Variants in SLIT3 observed in about 807,000 individuals in gnomAD.
The protein encoded by SLIT3 is slit guidance ligand 3, also known as slit homolog 3 protein.
SLIT3 carries 68 observed loss-of-function variants against 184.0 expected under a neutral mutation model. That is an observed-to-expected ratio of 0.37 (90% CI 0.30 to 0.45). The LOEUF (loss-of-function observed/expected upper bound fraction) is 0.45, where lower values mean the gene tolerates loss of function less well. Ranked by LOEUF, SLIT3 falls within the 20% of genes least tolerant of loss-of-function variation. The probability of loss-of-function intolerance (pLI) is 1.00; values close to 1 mark genes in which losing one functional copy is unlikely to be tolerated. For missense variants in SLIT3, 1,707 were observed against 2,026.0 expected, an observed-to-expected ratio of 0.84 and a Z score of 3.02; for synonymous variants, 831 against 828.6, an observed-to-expected ratio of 1.00 and a Z score of -0.05.
At chr5:169,214,710 G>A (rs566410001) in intron 3 of SLIT3, among the ~76,000 whole-genome samples, 1 of 152,280 alleles carries the variant, frequency 6.6e-6, no homozygotes, top group South Asian at 2.1e-4. Flanking sequence ...TGAATCCAAC[G>A]TGACATCTCC....
chr5:168,756,469 G>A (rs533577428), intron 16 of SLIT3, among the ~76,000 whole-genome samples: 9 of 152,276 alleles, frequency 5.9e-5, no homozygotes, highest in Middle Eastern at 3.4e-3. Flanking sequence ...GCATGACCTC[G>A]TTCTCCTTCT....
intron 14 of SLIT3, among the ~76,000 whole-genome samples, chr5:168,770,796 T>C (rs1875976): frequency 0.38 from 57,241 of 151,804 alleles, 11,347 homozygotes; most frequent in East Asian, 0.67. Context: ...GGTAGGACGA[T>C]AGTGGCAGAG....
chr5:168,986,272 T>C (rs62378605), intron 4 of SLIT3, among the ~76,000 whole-genome samples: 3,563 of 152,242 alleles, frequency 0.023, 58 homozygotes, highest in Non-Finnish European at 0.035. Flanking sequence ...GATGATGAAA[T>C]GGAGGCCAAA....
At chr5:169,061,233 ATGGTGTCAC>A (rs1374870540) in intron 4 of SLIT3, among the ~76,000 whole-genome samples, 1 of 152,120 alleles carries the variant, frequency 6.6e-6, no homozygotes, top group Non-Finnish European at 1.5e-5. Context: ...ACCCTTTACT[ATGGTGTCAC>A]TGGGCTCTCT....
In SLIT3 at chr5:169,190,644, A is replaced by G. The variant is rs112859026; in HGVS notation, c.413+2835T>C. 7.9e-3 allele frequency among the ~76,000 whole-genome samples: 1,202 copies of G among 152,320 alleles called. 22 individuals are homozygous for G. Among genetic ancestry groups the G allele is most frequent in the African/African-American group, 0.028 (1,146 of 41,560 alleles). ...CACGAAATATTAAGTAGTTTTGCCT[A>G]TAAGACTAATAAAAAAAGTAGTATC... On this transcript the variant is annotated intron_variant, in intron 4 of 35. Coordinates refer to ENST00000519560, the MANE Select transcript of SLIT3 (RefSeq NM_003062.4).
At chr5:168,879,979 T>A (rs986959374) in intron 5 of SLIT3, among the ~76,000 whole-genome samples, 1 of 152,248 alleles carries the variant, frequency 6.6e-6, no homozygotes, top group African/African-American at 2.4e-5. Context: ...GAATTTGCCA[T>A]CATTCTCTGT....
In SLIT3 at chr5:169,007,115, T is replaced by C. The variant is rs1755964542; in HGVS notation, c.414-123779A>G. ...AGTGAGTTCTCACAAAAGCTGATGG[T>C]TTTATAGGGCAGTTTCCCCTGCTCT... On this transcript the variant is annotated intron_variant, in intron 4 of 35. Transcript: ENST00000519560. Among the ~76,000 whole-genome samples the C allele has an allele frequency of 2.0e-5, 3 of 152,250 alleles. No homozygotes were observed. The South Asian group carries it at 6.2e-4, about 32-fold the overall frequency.
rs1759550494 is a variant in SLIT3, at chr5:169,090,715, G to A, written c.413+102764C>T. 2.0e-5 allele frequency among the ~76,000 whole-genome samples: 3 copies of A among 152,226 alleles called. No individual in the cohort carries two copies. In the South Asian group the frequency reaches 6.2e-4, roughly 31 times the overall value. Reference sequence around the variant, plus strand: ...TCATAGACAGACACACAGAAGAAAAGGCAATGTGAAGACAAGACAGAGGCC... The same window carrying A: ...TCATAGACAGACACACAGAAGAAAAAGCAATGTGAAGACAAGACAGAGGCC... On this transcript the variant is annotated intron_variant, in intron 4 of 35. Transcript: ENST00000519560.
At chr5:169,146,332 A>C (rs1433013317) in intron 4 of SLIT3, among the ~76,000 whole-genome samples, 1 of 152,246 alleles carries the variant, frequency 6.6e-6, no homozygotes, top group African/African-American at 2.4e-5. Flanking sequence ...AAAATAATAC[A>C]TGACGCAGTG....
At chr5:169,134,679 A>G (rs781003332) in intron 4 of SLIT3, among the ~76,000 whole-genome samples, 2 of 152,168 alleles carry the variant, frequency 1.3e-5, no homozygotes, top group African/African-American at 2.4e-5. Flanking sequence ...CAGCAAACCA[A>G]CATGGCACAT....
In SLIT3 at chr5:168,844,727, G is replaced by A. The variant is rs550049712; in HGVS notation, c.486-72C>T. The A allele has an allele frequency of 2.4e-5, 35 of 1,432,732 alleles. 1 individual carries two copies. The highest frequency in any genetic ancestry group is 1.8e-4 in the Middle Eastern group (1 of 5,428). 88.8% of individuals were successfully genotyped at this position (1,432,732 alleles called of 1,614,324 possible). On this transcript the variant is annotated intron_variant, in intron 5 of 35. Coordinates refer to ENST00000519560, the MANE Select transcript of SLIT3 (RefSeq NM_003062.4). ...GAGGGGCCGGCGGCCCAGGCCACCC[G>A]AGCGCCTGTCCCTCCACCCCCTTGC...
At chr5:168,753,807 C>A in intron 17 of SLIT3, 57 bp downstream of exon 17, 7 of 1,577,400 alleles carry the variant, frequency 4.4e-6, no homozygotes, top group Admixed American at 1.7e-5. Flanking sequence ...GTCTCTAATT[C>A]CCCTGCCCTC....
chr5:168,953,483 G>A (rs1470598561), intron 4 of SLIT3, among the ~76,000 whole-genome samples: 1 of 152,164 alleles, frequency 6.6e-6, no homozygotes, highest in Non-Finnish European at 1.5e-5. Flanking sequence ...TACATTCTTG[G>A]CCCATGTCTT....
chr5:168,870,490 T>C (rs947170582), intron 5 of SLIT3, among the ~76,000 whole-genome samples: 10 of 152,184 alleles, frequency 6.6e-5, no homozygotes, highest in African/African-American at 9.7e-5. Flanking sequence ...AACCTTGGAG[T>C]TGAGCTTCCA....
At chr5:169,068,151 G>T (rs1312672699) in intron 4 of SLIT3, among the ~76,000 whole-genome samples, 1 of 152,034 alleles carries the variant, frequency 6.6e-6, no homozygotes, top group South Asian at 2.1e-4. Flanking sequence ...TCCCCTCTCA[G>T]TTGTAAAAGT....
intron 4 of SLIT3, among the ~76,000 whole-genome samples, chr5:168,996,245 G>A (rs952948481): frequency 6.6e-6 from 1 of 152,120 alleles, no homozygotes; most frequent in African/African-American, 2.4e-5. Flanking sequence ...CACAGCCCTC[G>A]CAAAGCCTGA....
intron 15 of SLIT3, among the ~76,000 whole-genome samples, chr5:168,762,216 T>C (rs1755180623): frequency 6.6e-6 from 1 of 152,152 alleles, no homozygotes; most frequent in Non-Finnish European, 1.5e-5. Context: ...AACTTTCTGG[T>C]TTTACTGTAA....
At chr5:168,683,944 C>T in intron 32 of SLIT3, 22 bp downstream of exon 32, 1 of 1,491,174 alleles carries the variant, frequency 6.7e-7, no homozygotes, top group Non-Finnish European at 9.0e-7. Flanking sequence ...CACAGTGGGT[C>T]AGGAGGGAGA....
intron 4 of SLIT3, among the ~76,000 whole-genome samples, chr5:169,165,734 T>C (rs934367838): frequency 6.6e-6 from 1 of 151,932 alleles, no homozygotes; most frequent in African/African-American, 2.4e-5. Flanking sequence ...CCAAAGACAA[T>C]TGCTTTGTGT....
Sources: gnomAD v4.1 joint callset for allele counts (sites outside exome capture counted in the v4.1 genomes callset) on GRCh38, gnomAD v4.1.1 for gene constraint, MANE v1.5 for transcripts, NCBI Gene and HGNC (gene_info 2026-07-23, HGNC 2026-07-21) for gene names.